The following CNTNAP2 variants were observed in gnomAD, a reference collection of about 807,000 sequenced individuals.
CNTNAP2 encodes the protein contactin associated protein 2.
CNTNAP2 carries 98 observed loss-of-function variants against 155.2 expected under a neutral mutation model. That is an observed-to-expected ratio of 0.63 (90% confidence interval 0.54 to 0.75). CNTNAP2 has a LOEUF of 0.75. Ranked by LOEUF, CNTNAP2 falls within the 30% of genes least tolerant of loss-of-function variation. The probability of loss-of-function intolerance (pLI) is 0.00; values close to 1 mark genes in which losing one functional copy is unlikely to be tolerated. For missense variants in CNTNAP2, 1,727 were observed against 1,688.1 expected (o/e 1.02, Z -0.40); for synonymous variants, 651 against 631.2 (o/e 1.03, Z -0.47).
intron 2 of CNTNAP2, among the ~76,000 whole-genome samples, chr7:146,777,536 A>G (rs1802411631): frequency 6.6e-6 from 1 of 152,176 alleles, no homozygotes; most frequent in East Asian, 1.9e-4. Flanking sequence ...AAACAAAAAG[A>G]AAGTCATACA....
intron 8 of CNTNAP2, among the ~76,000 whole-genome samples, chr7:147,145,003 G>T (rs1166254066): frequency 2.0e-5 from 3 of 152,142 alleles, no homozygotes; most frequent in African/African-American, 7.2e-5. Flanking sequence ...ACGTTTGAAT[G>T]ATTTAGAATA....
chr7:147,904,237 T>G (rs989561387), intron 14 of CNTNAP2, among the ~76,000 whole-genome samples: 1 of 152,244 alleles, frequency 6.6e-6, no homozygotes, highest in African/African-American at 2.4e-5. Flanking sequence ...CTGTCTACTT[T>G]TCTTTCATAC....
intron 15 of CNTNAP2, among the ~76,000 whole-genome samples, chr7:148,027,599 G>A (rs1393194417): frequency 6.6e-6 from 1 of 152,060 alleles, no homozygotes; most frequent in Admixed American, 6.5e-5. Context: ...TAGATTTTTA[G>A]TCTCCACTCC....
At chr7:147,773,835 T>C (rs1797513710) in intron 13 of CNTNAP2, among the ~76,000 whole-genome samples, 1 of 151,444 alleles carries the variant, frequency 6.6e-6, no homozygotes, top group Admixed American at 6.7e-5. Flanking sequence ...CTCAGAGTAA[T>C]AAACAAAAAA....
At chr7:146,177,343 G>A (rs1344309841) in intron 1 of CNTNAP2, among the ~76,000 whole-genome samples, 1 of 152,134 alleles carries the variant, frequency 6.6e-6, no homozygotes, top group African/African-American at 2.4e-5. Context: ...AACAAAGGCT[G>A]TGTATTCCAG....
At chr7:147,804,782 G>A (rs1433353785) in intron 13 of CNTNAP2, among the ~76,000 whole-genome samples, 1 of 152,048 alleles carries the variant, frequency 6.6e-6, no homozygotes. Context: ...TCAAACTCCT[G>A]ACCTCAAATG....
Position 147,132,566 on chromosome 7 carries a change from ATGT to A in CNTNAP2, c.1348+61_1348+63del. On this transcript the variant is annotated intron_variant, in intron 8 of 23. Coordinates refer to ENST00000361727, the MANE Select transcript of CNTNAP2 (RefSeq NM_014141.6). ...AAACTTATTGCAATTTCCAGAGTTA[ATGT>A]TGTGCTTTGTTTGGTTTTGCTGGTG... 5 of 1,607,972 alleles carry A rather than the reference ATGT, an allele frequency of 3.1e-6. No homozygotes were observed. The South Asian group carries it at 4.4e-5, about 14-fold the overall frequency.
At chr7:147,997,589 C>T (rs1477092243) in intron 15 of CNTNAP2, among the ~76,000 whole-genome samples, 1 of 151,556 alleles carries the variant, frequency 6.6e-6, no homozygotes, top group Non-Finnish European at 1.5e-5. Flanking sequence ...ACAAGAGACG[C>T]ACAGTGAAGC....
chr7:147,701,796 G>A (rs1257551243), intron 13 of CNTNAP2, among the ~76,000 whole-genome samples: 1 of 152,094 alleles, frequency 6.6e-6, no homozygotes, highest in Non-Finnish European at 1.5e-5. Flanking sequence ...CTAGTTATAA[G>A]GCCGAACTTC....
chr7:147,237,465 T>C (rs1803834390), intron 8 of CNTNAP2, among the ~76,000 whole-genome samples: 1 of 152,204 alleles, frequency 6.6e-6, no homozygotes, highest in Non-Finnish European at 1.5e-5. Flanking sequence ...CAGGGTAACC[T>C]GTCTTCTCTA....
intron 13 of CNTNAP2, among the ~76,000 whole-genome samples, chr7:147,837,479 T>C (rs1338957201): frequency 6.6e-6 from 1 of 152,114 alleles, no homozygotes; most frequent in Non-Finnish European, 1.5e-5. Context: ...CCCCAGCCCC[T>C]CCCAAATCTC....
chr7:147,415,974 C>T (rs536475713), intron 10 of CNTNAP2, among the ~76,000 whole-genome samples: 18 of 152,290 alleles, frequency 1.2e-4, no homozygotes, highest in East Asian at 9.7e-4. Flanking sequence ...TCCACCCAAA[C>T]GCCCTGCATT....
rs114140419 is a variant in CNTNAP2 at position 147,668,298 on chromosome 7, C to G, written c.2098+28992C>G. ...AATGGTTCGTTCATAGAGGAATGTT[C>G]ATAGTGCATTGTCTACTGATAAGAA... On this transcript the variant is annotated intron_variant, in intron 13 of 23. Coordinates refer to ENST00000361727, the MANE Select transcript of CNTNAP2 (RefSeq NM_014141.6). 9.7e-3 allele frequency among the ~76,000 whole-genome samples: 1,485 copies of G among 152,318 alleles called. 31 individuals carry two copies. Among genetic ancestry groups the G allele is most frequent in the African/African-American group, 0.034 (1,417 of 41,554 alleles).
intron 1 of CNTNAP2, among the ~76,000 whole-genome samples, chr7:146,484,972 T>G (rs1486863215): frequency 6.6e-6 from 1 of 152,178 alleles, no homozygotes; most frequent in African/African-American, 2.4e-5. Context: ...TGGCAAAAGA[T>G]AAAAAAGCTT....
intron 21 of CNTNAP2, among the ~76,000 whole-genome samples, chr7:148,370,331 T>C (rs893378953): frequency 2.0e-5 from 3 of 152,182 alleles, no homozygotes; most frequent in African/African-American, 7.2e-5. Context: ...AGCTCTGGTC[T>C]CCGGTTCCTG....
intron 16 of CNTNAP2, among the ~76,000 whole-genome samples, chr7:148,119,396 GGC>G (rs1317727414): frequency 3.3e-5 from 5 of 151,820 alleles, no homozygotes; most frequent in African/African-American, 4.8e-5. Flanking sequence ...CAGGTGTGGT[GGC>G]GGGGGCGCCT....
At chr7:148,051,098 A>G (rs550872895) in intron 15 of CNTNAP2, among the ~76,000 whole-genome samples, 1 of 152,310 alleles carries the variant, frequency 6.6e-6, no homozygotes, top group East Asian at 1.9e-4. Flanking sequence ...TTTTCAGTGT[A>G]GCTTGTTTTG....
intron 12 of CNTNAP2, among the ~76,000 whole-genome samples, chr7:147,598,342 C>T (rs1800870022): frequency 6.6e-6 from 1 of 152,056 alleles, no homozygotes; most frequent in African/African-American, 2.4e-5. Flanking sequence ...TGCCCCCGAC[C>T]CCGCAACAGG....
At chr7:146,480,757 C>T (rs1311623049) in intron 1 of CNTNAP2, among the ~76,000 whole-genome samples, 1 of 143,464 alleles carries the variant, frequency 7.0e-6, no homozygotes, top group Non-Finnish European at 1.5e-5. Context: ...GGTGCGATCT[C>T]GGCTCACCTC....
Sources: gnomAD v4.1 joint callset for allele counts (sites outside exome capture counted in the v4.1 genomes callset) on GRCh38, gnomAD v4.1.1 for gene constraint, MANE v1.5 for transcripts, NCBI Gene and HGNC (gene_info 2026-07-23, HGNC 2026-07-21) for gene names.